SLC24A3: variants seen among roughly 807,000 people sequenced by gnomAD.
The protein encoded by SLC24A3 is sodium/potassium/calcium exchanger 3.
Under a neutral mutation model 75.8 loss-of-function variants are expected in SLC24A3, and 28 were observed. The observed-to-expected ratio is 0.37, with a 90% CI of 0.27 to 0.51. The LOEUF is 0.51. SLC24A3 is among the 20% of genes least tolerant of loss of function. The pLI is 0.94. For missense variants in SLC24A3, 663 were observed against 847.8 expected (o/e 0.78, Z 2.71); for synonymous variants, 372 against 334.1 (o/e 1.11, Z -1.24).
At chr20:19,554,556 T>C (rs994353156) in intron 3 of SLC24A3, among the ~76,000 whole-genome samples, 5 of 152,322 alleles carry the variant, frequency 3.3e-5, no homozygotes, top group Admixed American at 2.6e-4. Context: ...TCCTCATCTG[T>C]AAAATATGGT....
Position 19,628,184 on chromosome 20 carries a change from C to T in SLC24A3, c.613-25878C>T, listed in dbSNP as rs1421128877. ...GCGCCACTGCACTCCAGCCTGGCGA[C>T]ACAGCGAGACTCCATCTCAAAAAAA... On this transcript the variant is annotated intron_variant, in intron 6 of 16. Coordinates refer to ENST00000328041, the MANE Select transcript of SLC24A3 (RefSeq NM_020689.4). Among the ~76,000 whole-genome samples, 6 of 120,892 alleles carry T rather than the reference C, an allele frequency of 5.0e-5. No individual in the cohort carries two copies. The Admixed American group carries it at 5.3e-4, about 11-fold the overall frequency. The allele number at this position is 120,892 out of a possible 152,430, so 79.3% of individuals were successfully genotyped here.
At chr20:19,257,699 C>CA (rs1254119482) in intron 1 of SLC24A3, 1 of 152,228 alleles carries the variant, frequency 6.6e-6, no homozygotes, top group Non-Finnish European at 1.5e-5. Context: ...TTGACTCCTG[C>CA]AAGAACCAGA....
chr20:19,310,077 T>C (rs1984422072), intron 2 of SLC24A3, among the ~76,000 whole-genome samples: 1 of 152,234 alleles, frequency 6.6e-6, no homozygotes, highest in Non-Finnish European at 1.5e-5. Flanking sequence ...AGATGGTGCC[T>C]GGTGTCTTCG....
intron 2 of SLC24A3, among the ~76,000 whole-genome samples, chr20:19,447,889 A>G (rs1031977185): frequency 6.6e-6 from 1 of 152,214 alleles, no homozygotes; most frequent in African/African-American, 2.4e-5. Flanking sequence ...CAGAGTGGGT[A>G]CTTCGTGAAG....
At chr20:19,303,000 TTTG>T (rs1201086394) in intron 2 of SLC24A3, among the ~76,000 whole-genome samples, 1 of 133,790 alleles carries the variant, frequency 7.5e-6, no homozygotes, top group Non-Finnish European at 1.7e-5. Flanking sequence ...CTTAGTGGCC[TTTG>T]TTTTTTTTTT....
At chr20:19,535,435 G>A (rs2030378087) in intron 3 of SLC24A3, among the ~76,000 whole-genome samples, 2 of 152,154 alleles carry the variant, frequency 1.3e-5, no homozygotes, top group African/African-American at 4.8e-5. Context: ...CCTTCACCAG[G>A]CTAGCCAAGT....
chr20:19,462,313 G>A (rs562992712), intron 2 of SLC24A3, among the ~76,000 whole-genome samples: 1 of 151,932 alleles, frequency 6.6e-6, no homozygotes, highest in Non-Finnish European at 1.5e-5. Context: ...AGGCTGGAGT[G>A]CAGTGGCACG....
chr20:19,425,052 C>T (rs774489189), intron 2 of SLC24A3, among the ~76,000 whole-genome samples: 4 of 152,146 alleles, frequency 2.6e-5, no homozygotes, highest in Non-Finnish European at 5.9e-5. Context: ...CACCTGTAAT[C>T]CCAGCACTTT....
At chr20:19,386,373 A>C (rs1293787776) in intron 2 of SLC24A3, among the ~76,000 whole-genome samples, 1 of 152,174 alleles carries the variant, frequency 6.6e-6, no homozygotes, top group Non-Finnish European at 1.5e-5. Context: ...AAACAGAGAC[A>C]ATTTAACTTC....
intron 2 of SLC24A3, among the ~76,000 whole-genome samples, chr20:19,302,998 C>T (rs1984230871): frequency 7.3e-6 from 1 of 136,226 alleles, no homozygotes; most frequent in South Asian, 2.5e-4. Flanking sequence ...AACTTAGTGG[C>T]CTTTGTTTTT....
intron 6 of SLC24A3, among the ~76,000 whole-genome samples, chr20:19,651,485 A>T (rs1348782093): frequency 1.3e-5 from 2 of 150,972 alleles, no homozygotes; most frequent in African/African-American, 4.9e-5. Flanking sequence ...CTGAAGATTT[A>T]TGATTATCTG....
At chr20:19,415,960 G>A (rs1275764092) in intron 2 of SLC24A3, among the ~76,000 whole-genome samples, 1 of 152,156 alleles carries the variant, frequency 6.6e-6, no homozygotes, top group Non-Finnish European at 1.5e-5. Flanking sequence ...CTAAGCAAAG[G>A]TCAGGGGTTC....
At chr20:19,240,028 C>G (rs1045599412) in intron 1 of SLC24A3, among the ~76,000 whole-genome samples, 2 of 152,326 alleles carry the variant, frequency 1.3e-5, no homozygotes, top group Non-Finnish European at 2.9e-5. Context: ...TCAGTTTAAC[C>G]AGGTAGAACA....
chr20:19,666,504 C>G (rs1377827512), intron 8 of SLC24A3, among the ~76,000 whole-genome samples: 1 of 151,730 alleles, frequency 6.6e-6, no homozygotes, highest in Non-Finnish European at 1.5e-5. Flanking sequence ...AGACTCCATC[C>G]CCCACCCCCC....
At chr20:19,278,215 G>A (rs1983547298) in intron 1 of SLC24A3, among the ~76,000 whole-genome samples, 1 of 152,198 alleles carries the variant, frequency 6.6e-6, no homozygotes, top group South Asian at 2.1e-4. Context: ...GTAGGTGGAT[G>A]AATACCTAAG....
intron 2 of SLC24A3, among the ~76,000 whole-genome samples, chr20:19,447,662 C>T (rs1987410469): frequency 1.3e-5 from 2 of 152,148 alleles, no homozygotes. Context: ...AATTTTCTGG[C>T]AGTGGTGTTG....
At chr20:19,342,639 GGAA>G (rs1189208978) in intron 2 of SLC24A3, among the ~76,000 whole-genome samples, 2 of 152,226 alleles carry the variant, frequency 1.3e-5, no homozygotes, top group Non-Finnish European at 2.9e-5. Context: ...AGTTTCTAGT[GGAA>G]GAAGGAGTGT....
intron 2 of SLC24A3, among the ~76,000 whole-genome samples, chr20:19,340,974 T>A (rs1363141106): frequency 6.6e-6 from 1 of 152,192 alleles, no homozygotes. Flanking sequence ...ACACAGTGAA[T>A]GATAGAACCA....
Position 19,611,772 on chromosome 20 carries a change from T to A in SLC24A3, c.612+26228T>A, listed in dbSNP as rs2031673504. On this transcript the variant is annotated intron_variant, in intron 6 of 16. Transcript: ENST00000328041. ...TTGGTCCCACACCTATCGGGCTGTG[T>A]CCCTTTGCTTCACAATCACTGCCCT... Among the ~76,000 whole-genome samples, 3 of 152,306 alleles carry A rather than the reference T, an allele frequency of 2.0e-5. No homozygotes were observed. In the South Asian group the frequency reaches 6.2e-4, roughly 32 times the overall value.
Sources: allele counts gnomAD v4.1 joint callset (sites outside exome capture counted in the v4.1 genomes callset), GRCh38; gene constraint gnomAD v4.1.1; transcripts MANE v1.5; gene names NCBI Gene and HGNC (gene_info 2026-07-23, HGNC 2026-07-21).